RYR3: variants seen among roughly 807,000 people sequenced by gnomAD.
RYR3 encodes the protein ryanodine receptor 3, also known as brain ryanodine receptor-calcium release channel.
RYR3 carries 207 observed loss-of-function variants against 584.3 expected under a neutral mutation model. The ratio of observed to expected loss-of-function variants is 0.35; its 90% CI spans 0.32 to 0.40. The LOEUF (loss-of-function observed/expected upper bound fraction) is 0.40, where lower values mean the gene tolerates loss of function less well. Ranked by LOEUF, RYR3 falls within the 10% of genes least tolerant of loss-of-function variation. The probability of loss-of-function intolerance (pLI) is 1.00; values close to 1 mark genes in which losing one functional copy is unlikely to be tolerated. For synonymous variants in RYR3, 2,416 were observed against 2,248.5 expected (o/e 1.07, Z -2.11); for missense variants, 5,616 against 6,089.2 (o/e 0.92, Z 2.59).
At chr15:33,333,179 G>A (rs551391986) in intron 1 of RYR3, among the ~76,000 whole-genome samples, 1 of 151,706 alleles carries the variant, frequency 6.6e-6, no homozygotes, top group South Asian at 2.1e-4. Flanking sequence ...CTGAAAAATG[G>A]AAAAGGAGGG....
At chr15:33,654,049 A>G (rs1215433381) in intron 32 of RYR3, among the ~76,000 whole-genome samples, 1 of 152,168 alleles carries the variant, frequency 6.6e-6, no homozygotes, top group Non-Finnish European at 1.5e-5. Flanking sequence ...ATGGGAGGTT[A>G]ATGTCTACGT....
intron 42 of RYR3, among the ~76,000 whole-genome samples, chr15:33,705,754 C>T (rs1056852071): frequency 2.0e-5 from 3 of 152,176 alleles, no homozygotes; most frequent in East Asian, 3.9e-4. Flanking sequence ...TGGCTTTTGA[C>T]TTTGGACAGC....
At chr15:33,554,501 T>C (rs1184980039) in intron 10 of RYR3, among the ~76,000 whole-genome samples, 1 of 152,112 alleles carries the variant, frequency 6.6e-6, no homozygotes, top group Admixed American at 6.5e-5. Context: ...TTTCACTATG[T>C]TAGCCAGGAC....
intron 14 of RYR3, 140 bp downstream of exon 14, chr15:33,581,783 C>G (rs1057162552): frequency 2.2e-5 from 16 of 722,194 alleles, no homozygotes; most frequent in Non-Finnish European, 3.7e-5. Context: ...GTTAACCATT[C>G]AATTTTAACC....
In RYR3 at chr15:33,707,044, C is replaced by T. The variant is rs1465509941; in HGVS notation, c.6609C>T (p.Val2203=). The change falls in exon 43 of 104, where the codon GTC becomes GTT. Residue 2203 remains valine (V), a synonymous_variant. Coordinates refer to ENST00000634891, the MANE Select transcript of RYR3 (RefSeq NM_001036.6). ...ACCTGTCCTTCCTGAGGTTTGCTGTCTTCGTGAACAGTGAGTCCCACATTT... is the reference window on the plus strand; with the variant it reads ...ACCTGTCCTTCCTGAGGTTTGCTGTTTTCGTGAACAGTGAGTCCCACATTT... ...ERYLSFLRFA[V]FVNSESVEEN... is the part of the protein sequence containing the mutation. The T allele has an allele frequency of 6.2e-7, 1 of 1,613,790 alleles. No individual in the cohort carries two copies. Among genetic ancestry groups the T allele is most frequent in the East Asian group, 2.2e-5 (1 of 44,894 alleles).
intron 1 of RYR3, among the ~76,000 whole-genome samples, chr15:33,333,066 C>CAA (rs1195937254): frequency 0.032 from 1,783 of 55,506 alleles, 44 homozygotes; most frequent in Non-Finnish European, 0.037. Flanking sequence ...GCCTACCAAC[C>CAA]AAAAAAAAAA....
At chr15:33,393,122 A>G (rs1261546876) in intron 1 of RYR3, among the ~76,000 whole-genome samples, 1 of 152,196 alleles carries the variant, frequency 6.6e-6, no homozygotes. Context: ...TGCCAACAGC[A>G]TTTGTCTTTG....
At chr15:33,399,528 C>G (rs1432057897) in intron 1 of RYR3, among the ~76,000 whole-genome samples, 1 of 152,092 alleles carries the variant, frequency 6.6e-6, no homozygotes, top group Non-Finnish European at 1.5e-5. Flanking sequence ...TTCCCAGCTA[C>G]TCGCGAGGCT....
intron 43 of RYR3, among the ~76,000 whole-genome samples, chr15:33,711,631 G>T (rs186640040): frequency 2.2e-4 from 34 of 152,244 alleles, no homozygotes; most frequent in Middle Eastern, 3.4e-3. Flanking sequence ...AACTTCCATC[G>T]ATCCCTAAGG....
At chr15:33,383,401 C>A (rs997908854) in intron 1 of RYR3, among the ~76,000 whole-genome samples, 4 of 151,168 alleles carry the variant, frequency 2.6e-5, no homozygotes, top group Admixed American at 2.6e-4. Context: ...TTTGTGGTAC[C>A]TCTGACTGGT....
chr15:33,587,407 A>C (rs10153042), intron 16 of RYR3, among the ~76,000 whole-genome samples: 1 of 152,134 alleles, frequency 6.6e-6, no homozygotes, highest in South Asian at 2.1e-4. Flanking sequence ...TTTCTTTATT[A>C]TTAGAACACA....
intron 8 of RYR3, among the ~76,000 whole-genome samples, chr15:33,545,590 G>A (rs2056177933): frequency 6.6e-6 from 1 of 152,128 alleles, no homozygotes; most frequent in South Asian, 2.1e-4. Context: ...TCAGCACACT[G>A]GAACTTGAAT....
chr15:33,345,876 G>A (rs992805815), intron 1 of RYR3, among the ~76,000 whole-genome samples: 1 of 152,068 alleles, frequency 6.6e-6, no homozygotes, highest in African/African-American at 2.4e-5. Flanking sequence ...CCAGTAAAGC[G>A]GTTTGGCATA....
chr15:33,582,569 T>C (rs1011714053), intron 14 of RYR3, among the ~76,000 whole-genome samples: 9 of 152,328 alleles, frequency 5.9e-5, no homozygotes, highest in Middle Eastern at 3.4e-3. Flanking sequence ...CGGTGAAATA[T>C]CGCTTTTGAA....
At chr15:33,431,583 C>A (rs75257745) in intron 1 of RYR3, among the ~76,000 whole-genome samples, 1 of 151,720 alleles carries the variant, frequency 6.6e-6, no homozygotes, top group Non-Finnish European at 1.5e-5. Flanking sequence ...GGCAACATGG[C>A]AAGATTCCCT....
chr15:33,682,737 A>G (rs1023166415), intron 38 of RYR3, among the ~76,000 whole-genome samples: 1 of 152,158 alleles, frequency 6.6e-6, no homozygotes, highest in Non-Finnish European at 1.5e-5. Flanking sequence ...AATCCCATGA[A>G]CCGAACCATC....
chr15:33,432,422 G>C (rs1434999868), intron 1 of RYR3, among the ~76,000 whole-genome samples: 1 of 151,614 alleles, frequency 6.6e-6, no homozygotes, highest in Non-Finnish European at 1.5e-5. Context: ...AAAATTTGAG[G>C]TTCCAAGACT....
chr15:33,794,110 A>AT (rs1488725993), intron 67 of RYR3, among the ~76,000 whole-genome samples: 65 of 52,124 alleles, frequency 1.2e-3, no homozygotes, highest in South Asian at 2.8e-3. Flanking sequence ...ATATAAATAT[A>AT]ATATACATAA....
chr15:33,527,306 C>T (rs888689141), intron 3 of RYR3, among the ~76,000 whole-genome samples: 1 of 152,130 alleles, frequency 6.6e-6, no homozygotes, highest in Non-Finnish European at 1.5e-5. Flanking sequence ...TAAGGCCGGG[C>T]ATGGTAGCTC....
Sources: allele counts gnomAD v4.1 joint callset (sites outside exome capture counted in the v4.1 genomes callset), GRCh38; gene constraint gnomAD v4.1.1; transcripts MANE v1.5; gene names NCBI Gene and HGNC (gene_info 2026-07-23, HGNC 2026-07-21).